The following ROR1 variants were observed in gnomAD, a reference collection of about 807,000 sequenced individuals.
The protein encoded by ROR1 is inactive tyrosine-protein kinase transmembrane receptor ROR1.
A neutral mutation model predicts 78.8 loss-of-function variants in ROR1; 19 were observed. That is an observed-to-expected ratio of 0.24 (90% CI 0.17 to 0.35). The LOEUF is 0.35. Among genes scored for constraint, ROR1 ranks in the 10% least tolerant of loss-of-function variants. The pLI is 1.00. For synonymous variants in ROR1, 386 were observed against 433.6 expected, an observed-to-expected ratio of 0.89 and a Z score of 1.36; for missense variants, 917 against 1,177.8, an observed-to-expected ratio of 0.78 and a Z score of 3.24.
intron 1 of ROR1, among the ~76,000 whole-genome samples, chr1:63,936,662 G>A (rs1234407423): frequency 2.0e-5 from 3 of 152,124 alleles, no homozygotes; most frequent in Non-Finnish European, 4.4e-5. Flanking sequence ...GTAGTGATCT[G>A]GGAACTGGCC....
chr1:63,797,026 A>C (rs573036454), intron 1 of ROR1, among the ~76,000 whole-genome samples: 3 of 152,300 alleles, frequency 2.0e-5, no homozygotes, highest in African/African-American at 7.2e-5. Context: ...TAATTAATTG[A>C]TTCTAGATGT....
At chr1:63,802,542 T>C (rs2100257098) in intron 1 of ROR1, among the ~76,000 whole-genome samples, 1 of 152,340 alleles carries the variant, frequency 6.6e-6, no homozygotes, top group East Asian at 1.9e-4. Flanking sequence ...TGTGTGACTA[T>C]GAATAAGTAA....
intron 1 of ROR1, among the ~76,000 whole-genome samples, chr1:63,891,669 A>T (rs768582384): frequency 2.0e-5 from 3 of 152,162 alleles, no homozygotes; most frequent in Non-Finnish European, 2.9e-5. Context: ...AGTATGCATC[A>T]TCCAATCTGC....
intron 1 of ROR1, among the ~76,000 whole-genome samples, chr1:64,002,693 G>A (rs933697367): frequency 1.3e-5 from 2 of 152,228 alleles, no homozygotes; most frequent in Non-Finnish European, 2.9e-5. Flanking sequence ...AAAAGGAACA[G>A]CATCTCCAAA....
chr1:64,136,573 T>C (rs886339155), intron 4 of ROR1, among the ~76,000 whole-genome samples: 1 of 152,062 alleles, frequency 6.6e-6, no homozygotes, highest in Non-Finnish European at 1.5e-5. Context: ...GGTCTTCATC[T>C]CCAGCCTTAG....
chr1:64,017,452 A>G (rs1646530172), intron 2 of ROR1, among the ~76,000 whole-genome samples: 1 of 152,166 alleles, frequency 6.6e-6, no homozygotes, highest in Non-Finnish European at 1.5e-5. Flanking sequence ...GATGAGGGAT[A>G]TGGAATTCTA....
intron 1 of ROR1, among the ~76,000 whole-genome samples, chr1:63,929,644 A>T (rs1475640818): frequency 6.6e-6 from 1 of 152,182 alleles, no homozygotes; most frequent in Non-Finnish European, 1.5e-5. Context: ...ATGGTAAATA[A>T]ATGTAAATGG....
chr1:63,963,505 G>T (rs1235939583), intron 1 of ROR1, among the ~76,000 whole-genome samples: 3 of 151,444 alleles, frequency 2.0e-5, no homozygotes, highest in Non-Finnish European at 2.9e-5. Flanking sequence ...GGAGGTGGAA[G>T]TTGCAGTGAG....
intron 1 of ROR1, among the ~76,000 whole-genome samples, chr1:63,945,541 G>A (rs926855689): frequency 7.2e-5 from 11 of 152,148 alleles, no homozygotes; most frequent in African/African-American, 2.4e-4. Flanking sequence ...ATTGTTTAAT[G>A]TTGTTTCCTT....
chr1:63,939,260 G>A (rs1182499994), intron 1 of ROR1, among the ~76,000 whole-genome samples: 1 of 152,044 alleles, frequency 6.6e-6, no homozygotes, highest in Admixed American at 6.5e-5. Context: ...AAATCCCCAT[G>A]CCCAGGTCAG....
At chr1:64,022,721 T>C (rs1646574693) in intron 2 of ROR1, among the ~76,000 whole-genome samples, 1 of 152,206 alleles carries the variant, frequency 6.6e-6, no homozygotes, top group African/African-American at 2.4e-5. Flanking sequence ...CTTCGTAAAA[T>C]GTAAATTGAC....
chr1:63,774,335 C>T lies in ROR1; in HGVS notation c.-83C>T. ...GCGAGCGCCAGCGGCCGGGACGAGG[C>T]GGCCGGGAGCCCGGGAAGAGCCCGT... On this transcript the variant is annotated 5_prime_UTR_variant, in exon 1 of 9. Transcript: ENST00000371079. The surrounding 1 kb of genome is among the most constrained non-coding windows in gnomAD (Gnocchi z 5.7). 1 of 899,456 alleles carries T rather than the reference C, an allele frequency of 1.1e-6. No homozygotes were observed. The highest frequency in any genetic ancestry group is 1.5e-6 in the Non-Finnish European group (1 of 660,628). The allele number at this position is 899,456 out of a possible 1,614,324, so 55.7% of individuals were successfully genotyped here.
At chr1:63,946,414 CTTTG>C (rs1441857008) in intron 1 of ROR1, among the ~76,000 whole-genome samples, 1 of 152,106 alleles carries the variant, frequency 6.6e-6, no homozygotes, top group African/African-American at 2.4e-5. Context: ...TTGCCTCTAA[CTTTG>C]TTTGACAGTG....
chr1:63,911,592 A>T (rs1334026154), intron 1 of ROR1, among the ~76,000 whole-genome samples: 1 of 151,362 alleles, frequency 6.6e-6, no homozygotes, highest in Non-Finnish European at 1.5e-5. Context: ...CCCACCCCCA[A>T]CCCTGGTCCA....
chr1:63,981,608 G>C (rs982616011), intron 1 of ROR1, among the ~76,000 whole-genome samples: 1 of 152,132 alleles, frequency 6.6e-6, no homozygotes, highest in African/African-American at 2.4e-5. Flanking sequence ...AGTCAAGGCT[G>C]CTTCATGATG....
At position 64,032,063 on chromosome 1, in the gene ROR1, C is replaced by T. The variant is rs546052450; in HGVS notation, c.164-17628C>T. ...TCCATTTTCATTATACAAAATATGGCCGGGCGCGGTGGCTCATGCCTGTAA... is the reference window on the plus strand; with the variant it reads ...TCCATTTTCATTATACAAAATATGGTCGGGCGCGGTGGCTCATGCCTGTAA... On this transcript the variant is annotated intron_variant, in intron 2 of 8. Coordinates refer to ENST00000371079, the MANE Select transcript of ROR1 (RefSeq NM_005012.4). Among the ~76,000 whole-genome samples the T allele has an allele frequency of 2.6e-5, 4 of 152,144 alleles. No homozygotes were observed. The East Asian group carries it at 7.7e-4, about 29-fold the overall frequency.
At chr1:63,917,885 A>G (rs905489451) in intron 1 of ROR1, among the ~76,000 whole-genome samples, 1 of 152,088 alleles carries the variant, frequency 6.6e-6, no homozygotes, top group Admixed American at 6.5e-5. Context: ...GGGTGAGCAA[A>G]ATGGCTGTCT....
intron 1 of ROR1, among the ~76,000 whole-genome samples, chr1:64,002,134 T>A (rs1255402951): frequency 5.0e-5 from 1 of 20,126 alleles, no homozygotes; most frequent in Non-Finnish European, 3.6e-4. Flanking sequence ...GTTCAACCTT[T>A]TTTTTTTTTT....
At chr1:63,819,823 T>G (rs917236198) in intron 1 of ROR1, among the ~76,000 whole-genome samples, 1 of 152,168 alleles carries the variant, frequency 6.6e-6, no homozygotes, top group Non-Finnish European at 1.5e-5. Flanking sequence ...ATTGTAAGGA[T>G]AAAGTTTACA....
Sources: allele counts gnomAD v4.1 joint callset (sites outside exome capture counted in the v4.1 genomes callset), GRCh38; gene constraint gnomAD v4.1.1; non-coding constraint Gnocchi (gnomAD v3.1); transcripts MANE v1.5; gene names NCBI Gene and HGNC (gene_info 2026-07-23, HGNC 2026-07-21).